The following CACNA1A variants were observed in gnomAD, a reference collection of about 807,000 sequenced individuals.
The protein encoded by CACNA1A is voltage-dependent P/Q-type calcium channel subunit alpha-1A.
In CACNA1A, 57 loss-of-function variants were observed where a neutral mutation model predicts 262.4. That is an observed-to-expected ratio of 0.22 (90% CI 0.18 to 0.27). The LOEUF (loss-of-function observed/expected upper bound fraction) is 0.27. Ranked by LOEUF, CACNA1A falls within the 10% of genes least tolerant of loss-of-function variation. The pLI, the probability that CACNA1A is intolerant of heterozygous loss-of-function variation, is 1.00. For missense variants in CACNA1A, 2,526 were observed against 3,562.8 expected (o/e 0.71, Z 7.41); for synonymous variants, 1,431 against 1,419.3 (o/e 1.01, Z -0.18).
chr19:13,234,678 A>C (rs2055807648), intron 34 of CACNA1A: 2 of 509,298 alleles, frequency 3.9e-6, no homozygotes, highest in Non-Finnish European at 7.1e-6. Context: ...CCACCCCCAC[A>C]CCAGAAAAGG....
At chr19:13,418,210 C>T (rs2060257717) in intron 3 of CACNA1A, among the ~76,000 whole-genome samples, 2 of 152,206 alleles carry the variant, frequency 1.3e-5, no homozygotes, top group South Asian at 4.2e-4. Flanking sequence ...TATGAAAAGT[C>T]CTTAGAACAA....
At chr19:13,330,429 G>T in intron 9 of CACNA1A, 96 bp from the exon 10 acceptor site, 1 of 872,866 alleles carries the variant, frequency 1.1e-6, no homozygotes, top group Non-Finnish European at 1.9e-6. Context: ...AACTCTCACG[G>T]CAACTGTTCT....
At chr19:13,420,419 T>C (rs2060299366) in intron 3 of CACNA1A, among the ~76,000 whole-genome samples, 1 of 152,068 alleles carries the variant, frequency 6.6e-6, no homozygotes, top group Non-Finnish European at 1.5e-5. Context: ...ATTAAGGATC[T>C]TGAGGTGAGA....
intron 1 of CACNA1A, among the ~76,000 whole-genome samples, chr19:13,483,121 C>G (rs1393526869): frequency 6.6e-6 from 1 of 152,110 alleles, no homozygotes; most frequent in Non-Finnish European, 1.5e-5. Flanking sequence ...AGGTTCACTA[C>G]TTCTATATGT....
intron 10 of CACNA1A, among the ~76,000 whole-genome samples, chr19:13,326,219 G>T (rs1297881758): frequency 6.6e-6 from 1 of 152,004 alleles, no homozygotes; most frequent in Non-Finnish European, 1.5e-5. Context: ...GGAGGCTGAG[G>T]TGGGAGAATC....
Position 13,270,141 on chromosome 19 carries a change from C to G in CACNA1A, c.3989+5709G>C, listed in dbSNP as rs1421265595. On this transcript the variant is annotated intron_variant, in intron 24 of 46. Coordinates refer to ENST00000360228, the MANE Select transcript of CACNA1A (RefSeq NM_001127222.2). ...GTAGCATCTGACAGCTGAACCCAAC[C>G]TCAGTGATCTTGTCGGACTTACTTC... Among the ~76,000 whole-genome samples the G allele has an allele frequency of 3.9e-5, 6 of 152,088 alleles. No homozygotes were observed. In the East Asian group the frequency reaches 1.2e-3, roughly 29 times the overall value.
intron 6 of CACNA1A, among the ~76,000 whole-genome samples, chr19:13,351,755 G>A (rs959992458): frequency 1.3e-5 from 2 of 151,912 alleles, no homozygotes; most frequent in Admixed American, 6.6e-5. Flanking sequence ...TGATCCACCC[G>A]CCTCGGCCTC....
intron 28 of CACNA1A, 55 bp downstream of exon 28, chr19:13,257,295 T>C: frequency 1.4e-6 from 2 of 1,463,346 alleles, no homozygotes; most frequent in East Asian, 2.3e-5. Context: ...GTGTGTGTTT[T>C]AAAGTTTGTG....
chr19:13,471,998 T>C (rs1020501761), intron 1 of CACNA1A, among the ~76,000 whole-genome samples: 5 of 152,252 alleles, frequency 3.3e-5, no homozygotes, highest in African/African-American at 1.2e-4. Flanking sequence ...GATCTCACTC[T>C]GTTGCTCAAG....
chr19:13,304,180 G>T (rs868251832), intron 15 of CACNA1A, among the ~76,000 whole-genome samples: 13 of 152,186 alleles, frequency 8.5e-5, no homozygotes, highest in South Asian at 6.2e-4. Flanking sequence ...ATGTGATTAA[G>T]GGGATTTGTT....
At position 13,298,930 on chromosome 19, in the gene CACNA1A, C is replaced by T; in HGVS notation, c.2703G>A (p.Ser901=). The change falls in exon 19 of 47, where the codon TCG becomes TCA. Residue 901 remains serine, a synonymous_variant. Coordinates refer to ENST00000360228, the MANE Select transcript of CACNA1A (RefSeq NM_001127222.2). ...GGCTGCCCTCCCGGGCGTGGTGGTC[C>T]GACTCGCGGCCGTAGGGTCCCTCCC... ...LSREGPYGRE[S]DHHAREGSLE... is the part of the protein sequence containing the mutation. 6.3e-7 allele frequency: 1 copy of T among 1,593,786 alleles called. No individual in the cohort carries two copies. Among genetic ancestry groups the T allele is most frequent in the South Asian group, 1.1e-5 (1 of 90,236 alleles).
intron 3 of CACNA1A, among the ~76,000 whole-genome samples, chr19:13,402,540 T>C (rs1259668518): frequency 6.7e-6 from 1 of 148,366 alleles, no homozygotes; most frequent in Non-Finnish European, 1.5e-5. Context: ...TATGGAAAAA[T>C]AAAATTAAAA....
At chr19:13,429,532 A>C (rs1407722463) in intron 3 of CACNA1A, among the ~76,000 whole-genome samples, 2 of 74,938 alleles carry the variant, frequency 2.7e-5, no homozygotes, top group Admixed American at 1.4e-4. Context: ...CAAAGCGTCC[A>C]AAAAAAAAAA....
chr19:13,388,104 A>C (rs542004998), intron 3 of CACNA1A, among the ~76,000 whole-genome samples: 4 of 152,222 alleles, frequency 2.6e-5, no homozygotes, highest in South Asian at 4.2e-4. Flanking sequence ...AATATTTCTA[A>C]GATGGGTACC....
intron 19 of CACNA1A, among the ~76,000 whole-genome samples, chr19:13,293,614 ATTTT>A (rs200663204): frequency 7.3e-6 from 1 of 137,912 alleles, no homozygotes; most frequent in Non-Finnish European, 1.6e-5. Context: ...CGCCCGGCTA[ATTTT>A]TTTTTTTTTT....
intron 6 of CACNA1A, among the ~76,000 whole-genome samples, chr19:13,352,266 C>T (rs1256529025): frequency 6.6e-6 from 1 of 151,930 alleles, no homozygotes; most frequent in Non-Finnish European, 1.5e-5. Context: ...AATTAGCTGA[C>T]CATGCTGGTG....
At chr19:13,240,644 CAGTGACTGTGTGTGTGGAT>C (rs1273790824) in intron 31 of CACNA1A, among the ~76,000 whole-genome samples, 6 of 147,160 alleles carry the variant, frequency 4.1e-5, no homozygotes, top group East Asian at 4.0e-4. Flanking sequence ...AGTGTCTGCG[CAGTGACTGTGTGTGTGGAT>C]AGTGACTGTG....
intron 28 of CACNA1A, chr19:13,256,772 T>A (rs1195364221): frequency 6.6e-6 from 1 of 152,420 alleles, no homozygotes; most frequent in African/African-American, 2.4e-5. Flanking sequence ...ATTACAGGTG[T>A]GAGCCACCAC....
chr19:13,452,177 GT>G (rs2144932642), intron 3 of CACNA1A: 1 of 152,244 alleles, frequency 6.6e-6, no homozygotes, highest in South Asian at 2.1e-4. Flanking sequence ...CTTCTGCCGT[GT>G]TTAAGTCATT....
Sources: allele counts gnomAD v4.1 joint callset (sites outside exome capture counted in the v4.1 genomes callset), GRCh38; gene constraint gnomAD v4.1.1; transcripts MANE v1.5; gene names NCBI Gene and HGNC (gene_info 2026-07-23, HGNC 2026-07-21).